PRDM5: variants seen among roughly 807,000 people sequenced by gnomAD.
The protein encoded by PRDM5 is PR domain zinc finger protein 5.
Under a neutral mutation model 81.2 loss-of-function variants are expected in PRDM5, and 56 were observed. The observed-to-expected ratio is 0.69, with a 90% CI of 0.56 to 0.86. The LOEUF is 0.86. Ranked by LOEUF, PRDM5 falls within the 40% of genes least tolerant of loss-of-function variation. The probability of loss-of-function intolerance (pLI) is 0.00; values close to 1 mark genes in which losing one functional copy is unlikely to be tolerated. For synonymous variants in PRDM5, 267 were observed against 256.4 expected, an observed-to-expected ratio of 1.04 and a Z score of -0.39; for missense variants, 697 against 770.1, an observed-to-expected ratio of 0.91 and a Z score of 1.12.
intron 14 of PRDM5, among the ~76,000 whole-genome samples, chr4:120,716,600 G>A (rs993853794): frequency 6.6e-6 from 1 of 152,164 alleles, no homozygotes; most frequent in Admixed American, 6.6e-5. Flanking sequence ...ATCTTACACA[G>A]AGCCTGCACT....
At chr4:120,901,718 A>G (rs1463015959) in intron 2 of PRDM5, among the ~76,000 whole-genome samples, 4 of 152,258 alleles carry the variant, frequency 2.6e-5, no homozygotes, top group Admixed American at 2.0e-4. Flanking sequence ...AATTTTTCCT[A>G]TGAAAATGCC....
intron 2 of PRDM5, among the ~76,000 whole-genome samples, chr4:120,902,293 A>C (rs1406226252): frequency 2.6e-5 from 4 of 152,262 alleles, no homozygotes; most frequent in Non-Finnish European, 4.4e-5. Flanking sequence ...CTGGAAGCAC[A>C]GAGCCAGTGC....
intron 14 of PRDM5, among the ~76,000 whole-genome samples, chr4:120,716,386 G>C (rs188477753): frequency 6.6e-6 from 1 of 152,290 alleles, no homozygotes; most frequent in Admixed American, 6.5e-5. Context: ...TGATTAAGTA[G>C]TTTTCAATCT....
intron 14 of PRDM5, among the ~76,000 whole-genome samples, chr4:120,730,434 C>A (rs1051987213): frequency 1.1e-4 from 16 of 152,092 alleles, no homozygotes; most frequent in Admixed American, 6.5e-5. Context: ...ATTTAGGAAT[C>A]TCAACATAGC....
At chr4:120,766,587 T>C (rs1746419223) in intron 13 of PRDM5, among the ~76,000 whole-genome samples, 2 of 152,146 alleles carry the variant, frequency 1.3e-5, no homozygotes, top group Non-Finnish European at 2.9e-5. Flanking sequence ...AAGGAGTGTA[T>C]GTAGTTCTAT....
At chr4:120,810,885 A>T (rs767216439) in intron 8 of PRDM5, among the ~76,000 whole-genome samples, 7 of 152,194 alleles carry the variant, frequency 4.6e-5, no homozygotes, top group Non-Finnish European at 7.4e-5. Flanking sequence ...CCCACAGCAC[A>T]TGGTTGGAGC....
chr4:120,810,116 T>C (rs536584002), intron 8 of PRDM5, among the ~76,000 whole-genome samples: 39 of 152,284 alleles, frequency 2.6e-4, no homozygotes, highest in African/African-American at 9.4e-4. Context: ...TGAATCATCC[T>C]AAAACCTCCT....
intron 1 of PRDM5, among the ~76,000 whole-genome samples, chr4:120,909,260 C>T (rs557045157): frequency 6.6e-6 from 1 of 152,314 alleles, no homozygotes; most frequent in East Asian, 1.9e-4. Context: ...CAGACAGCTG[C>T]ATGGTCCACT....
At chr4:120,865,054 G>A (rs923085236) in intron 2 of PRDM5, among the ~76,000 whole-genome samples, 1 of 152,138 alleles carries the variant, frequency 6.6e-6, no homozygotes, top group African/African-American at 2.4e-5. Context: ...AAATATTGCA[G>A]CAGAAGACAT....
intron 1 of PRDM5, among the ~76,000 whole-genome samples, chr4:120,915,989 A>T (rs1724107442): frequency 6.6e-6 from 1 of 152,230 alleles, no homozygotes; most frequent in Admixed American, 6.5e-5. Flanking sequence ...GCAGAAGGGC[A>T]GATAAAGGCT....
intron 2 of PRDM5, among the ~76,000 whole-genome samples, chr4:120,884,566 T>TTC (rs1350654725): frequency 1.3e-5 from 2 of 152,192 alleles, no homozygotes; most frequent in Non-Finnish European, 2.9e-5. Flanking sequence ...AAGCTTTACC[T>TTC]TCTCTGCCCG....
intron 3 of PRDM5, among the ~76,000 whole-genome samples, chr4:120,850,569 T>TTGTGC (rs1759143111): frequency 6.6e-6 from 1 of 152,128 alleles, no homozygotes; most frequent in African/African-American, 2.4e-5. Context: ...GCATCCCTAT[T>TTGTGC]AAGAAAGTGC....
At chr4:120,837,756 T>C (rs1490124703) in intron 3 of PRDM5, 2 of 152,198 alleles carry the variant, frequency 1.3e-5, no homozygotes, top group Non-Finnish European at 2.9e-5. Flanking sequence ...ATTCTACTGC[T>C]TGGAGAAGTG....
intron 8 of PRDM5, among the ~76,000 whole-genome samples, chr4:120,804,770 C>A (rs1001262557): frequency 6.6e-6 from 1 of 152,068 alleles, no homozygotes; most frequent in Non-Finnish European, 1.5e-5. Flanking sequence ...AATTGACACC[C>A]TAACTTCACA....
intron 3 of PRDM5, among the ~76,000 whole-genome samples, chr4:120,845,074 A>G (rs539221117): frequency 6.6e-6 from 1 of 152,368 alleles, no homozygotes; most frequent in African/African-American, 2.4e-5. Flanking sequence ...GCTGCAGAAG[A>G]AAGGCTGGAT....
chr4:120,843,685 TAAAAAA>T (rs375029200), intron 3 of PRDM5, among the ~76,000 whole-genome samples: 1 of 123,528 alleles, frequency 8.1e-6, no homozygotes, highest in African/African-American at 3.0e-5. Context: ...GATCCGGCCT[TAAAAAA>T]AAAAAAAAAA....
At chr4:120,871,984 C>G (rs2597554) in intron 2 of PRDM5, among the ~76,000 whole-genome samples, 2 of 151,520 alleles carry the variant, frequency 1.3e-5, no homozygotes, top group Non-Finnish European at 2.9e-5. Flanking sequence ...AACCCCATCT[C>G]TACTAAAAAT....
intron 2 of PRDM5, among the ~76,000 whole-genome samples, chr4:120,861,055 T>A (rs2148497599): frequency 6.6e-6 from 1 of 152,344 alleles, no homozygotes; most frequent in East Asian, 1.9e-4. Context: ...TGGCCCAGGC[T>A]GGAGTGCAGA....
At chr4:120,861,322 G>A (rs979312907) in intron 2 of PRDM5, among the ~76,000 whole-genome samples, 10 of 151,922 alleles carry the variant, frequency 6.6e-5, no homozygotes, top group African/African-American at 2.4e-4. Flanking sequence ...GTCAGCTTTT[G>A]GAGAATTTTC....
Sources: gnomAD v4.1 joint callset for allele counts (sites outside exome capture counted in the v4.1 genomes callset) on GRCh38, gnomAD v4.1.1 for gene constraint, MANE v1.5 for transcripts, NCBI Gene and HGNC (gene_info 2026-07-23, HGNC 2026-07-21) for gene names.